The following VWA8 variants were observed in gnomAD, a reference collection of about 807,000 sequenced individuals.
VWA8 encodes the protein von Willebrand factor A domain-containing protein 8.
In VWA8, 221 loss-of-function variants were observed where a neutral mutation model predicts 241.5. That is an observed-to-expected ratio of 0.91 (90% confidence interval 0.82 to 1.02). VWA8 has a LOEUF of 1.02. Among genes scored for constraint, VWA8 ranks in the 50% least tolerant of loss-of-function variants. The pLI is 0.00. For missense variants in VWA8, 2,322 were observed against 2,328.7 expected, an observed-to-expected ratio of 1.00 and a Z score of 0.06; for synonymous variants, 852 against 827.1, an observed-to-expected ratio of 1.03 and a Z score of -0.52.
chr13:41,573,279 ATGGTGGTGCGTGCC>A (rs1375961373), intron 43 of VWA8, among the ~76,000 whole-genome samples: 1 of 150,324 alleles, frequency 6.7e-6, no homozygotes, highest in Non-Finnish European at 1.5e-5. Context: ...TTGGCCGGGC[ATGGTGGTGCGTGCC>A]TGTGGTACCA....
At chr13:41,859,803 C>A (rs1479128461) in intron 12 of VWA8, among the ~76,000 whole-genome samples, 1 of 152,116 alleles carries the variant, frequency 6.6e-6, no homozygotes, top group Non-Finnish European at 1.5e-5. Context: ...ATATGAAATG[C>A]AGTCCTAAAA....
intron 40 of VWA8, among the ~76,000 whole-genome samples, chr13:41,594,276 C>G (rs1482769712): frequency 1.3e-5 from 2 of 151,882 alleles, no homozygotes; most frequent in African/African-American, 4.8e-5. Context: ...GCATGTACCA[C>G]TACACCTGGT....
intron 17 of VWA8, among the ~76,000 whole-genome samples, chr13:41,797,922 T>C (rs1475923537): frequency 6.6e-6 from 1 of 152,206 alleles, no homozygotes; most frequent in Non-Finnish European, 1.5e-5. Flanking sequence ...TCTAACATTA[T>C]TTCATGTTTA....
Position 41,758,095 on chromosome 13 carries a change from G to C in VWA8, c.2426+3033C>G, listed in dbSNP as rs559724210. On this transcript the variant is annotated intron_variant, in intron 21 of 44. Transcript: ENST00000379310. ...TACTGAGGATACTGAGGGGGATGTT[G>C]AGGTAGATGAAGATAAGGGGAAGAA... Among the ~76,000 whole-genome samples, 5 of 151,270 alleles carry C rather than the reference G, an allele frequency of 3.3e-5. No homozygotes were observed. The South Asian group carries it at 1.0e-3, about 31-fold the overall frequency.
intron 34 of VWA8, among the ~76,000 whole-genome samples, chr13:41,686,214 T>C (rs532632920): frequency 1.9e-4 from 29 of 152,288 alleles, no homozygotes; most frequent in African/African-American, 6.3e-4. Flanking sequence ...AGTTTTATAA[T>C]TATCCTTGAA....
At chr13:41,926,983 T>G in intron 2 of VWA8, 1 of 478,670 alleles carries the variant, frequency 2.1e-6, no homozygotes, top group Non-Finnish European at 4.1e-6. Context: ...CATCCACAGA[T>G]AATGAGCGCT....
chr13:41,848,611 G>A (rs12430601), intron 12 of VWA8, among the ~76,000 whole-genome samples: 36,910 of 152,110 alleles, frequency 0.24, 5,324 homozygotes, highest in Non-Finnish European at 0.31. Flanking sequence ...ACCTAGTGAA[G>A]GTGCCTGCTT....
chr13:41,783,206 TATATACTTA>T (rs912629960), intron 19 of VWA8, among the ~76,000 whole-genome samples: 3 of 148,456 alleles, frequency 2.0e-5, no homozygotes, highest in African/African-American at 4.9e-5. Flanking sequence ...TGTACTTATA[TATATACTTA>T]ATATACTTAA....
At chr13:41,954,023 A>G (rs1878250330) in intron 1 of VWA8, among the ~76,000 whole-genome samples, 1 of 152,220 alleles carries the variant, frequency 6.6e-6, no homozygotes, top group Non-Finnish European at 1.5e-5. Flanking sequence ...AATGAGCCAC[A>G]TCTGCAATAG....
intron 2 of VWA8, among the ~76,000 whole-genome samples, chr13:41,921,145 T>C (rs1876511974): frequency 6.6e-6 from 1 of 152,150 alleles, no homozygotes; most frequent in African/African-American, 2.4e-5. Flanking sequence ...TGCAAATCAA[T>C]AAACGTAATC....
At chr13:41,923,437 A>T (rs879272385) in intron 2 of VWA8, among the ~76,000 whole-genome samples, 40 of 151,696 alleles carry the variant, frequency 2.6e-4, no homozygotes, top group African/African-American at 5.8e-4. Flanking sequence ...AGTATAATTT[A>T]AAAAAAAAGT....
intron 26 of VWA8, among the ~76,000 whole-genome samples, chr13:41,711,226 C>A (rs1333490778): frequency 6.6e-6 from 1 of 152,136 alleles, no homozygotes; most frequent in African/African-American, 2.4e-5. Context: ...CTTCCCTATT[C>A]AATTAGGGAC....
intron 37 of VWA8, among the ~76,000 whole-genome samples, chr13:41,626,864 G>A (rs543902986): frequency 1.3e-5 from 2 of 152,246 alleles, no homozygotes; most frequent in East Asian, 3.9e-4. Flanking sequence ...CCTTGGCAAA[G>A]ATTTCATGAC....
In VWA8 at chr13:41,685,050, T is replaced by C; in HGVS notation, c.4324A>G (p.Lys1442Glu). Residue 1442 changes from lysine (K) to glutamate (E), a missense_variant, in exon 35 of 45, where the codon AAA becomes GAA. Coordinates refer to ENST00000379310, the MANE Select transcript of VWA8 (RefSeq NM_015058.2). ...GAATTGGTGAGTTCCTTCTTACCTT[T>C]TGGGTAGATATCTTTTAGAGGGACT... The part of the protein sequence containing the change: ...GEVPLKDIYP[K>E]DVTPPQTSGY... 6.2e-7 allele frequency: 1 copy of C among 1,612,570 alleles called. No homozygotes were observed. Among genetic ancestry groups the C allele is most frequent in the Non-Finnish European group, 8.5e-7 (1 of 1,179,430 alleles).
At chr13:41,798,223 G>A (rs1254892323) in intron 17 of VWA8, among the ~76,000 whole-genome samples, 3 of 152,058 alleles carry the variant, frequency 2.0e-5, no homozygotes, top group East Asian at 1.9e-4. Flanking sequence ...CATTTTTATT[G>A]CTTTGTTTTT....
At chr13:41,807,421 T>C (rs984142443) in intron 17 of VWA8, among the ~76,000 whole-genome samples, 1 of 151,906 alleles carries the variant, frequency 6.6e-6, no homozygotes, top group African/African-American at 2.4e-5. Flanking sequence ...CCTTGACAAA[T>C]GTTGATGCAA....
At chr13:41,766,565 C>T (rs2045780211) in intron 20 of VWA8, among the ~76,000 whole-genome samples, 1 of 152,286 alleles carries the variant, frequency 6.6e-6, no homozygotes, top group Admixed American at 6.5e-5. Flanking sequence ...ATTACCTTTC[C>T]ATATCCATAT....
intron 43 of VWA8, among the ~76,000 whole-genome samples, chr13:41,573,655 G>A (rs1003494260): frequency 2.2e-5 from 3 of 136,906 alleles, no homozygotes; most frequent in Non-Finnish European, 3.1e-5. Context: ...TTGCTCTGTC[G>A]CCCAGGCTGG....
chr13:41,623,999 C>T (rs954238873), intron 37 of VWA8, among the ~76,000 whole-genome samples: 1 of 152,106 alleles, frequency 6.6e-6, no homozygotes, highest in African/African-American at 2.4e-5. Flanking sequence ...TTACCACCAA[C>T]TCCAGAGAAA....
Sources: gnomAD v4.1 joint callset for allele counts (sites outside exome capture counted in the v4.1 genomes callset) on GRCh38, gnomAD v4.1.1 for gene constraint, MANE v1.5 for transcripts, NCBI Gene and HGNC (gene_info 2026-07-23, HGNC 2026-07-21) for gene names.